SHTN1: variants seen among roughly 807,000 people sequenced by gnomAD.
SHTN1 encodes shootin 1, also known as shootin-1.
In SHTN1, 42 loss-of-function variants were observed where a neutral mutation model predicts 83.1. The ratio of observed to expected loss-of-function variants is 0.51; its 90% CI spans 0.39 to 0.65. The LOEUF is 0.65. Among genes scored for constraint, SHTN1 ranks in the 30% least tolerant of loss-of-function variants. SHTN1 has a pLI of 0.00. For missense variants in SHTN1, 622 were observed against 737.8 expected (o/e 0.84, Z 1.82); for synonymous variants, 224 against 247.7 (o/e 0.90, Z 0.90).
chr10:116,892,660 AAC>A (rs1459098663), intron 16 of SHTN1, among the ~76,000 whole-genome samples: 1 of 152,198 alleles, frequency 6.6e-6, no homozygotes, highest in Non-Finnish European at 1.5e-5. Context: ...GTATTTTTAA[AAC>A]TCTCTTTTAA....
At chr10:117,062,472 T>A (rs1337193592) in intron 1 of SHTN1, among the ~76,000 whole-genome samples, 1 of 152,148 alleles carries the variant, frequency 6.6e-6, no homozygotes, top group East Asian at 1.9e-4. Context: ...CCTAGAATTC[T>A]AGGCTAGATA....
chr10:117,102,323 G>C (rs911473370), intron 1 of SHTN1, among the ~76,000 whole-genome samples: 2 of 152,090 alleles, frequency 1.3e-5, no homozygotes, highest in East Asian at 3.9e-4. Context: ...CTAAGTCTCA[G>C]GCAGAGACCA....
intron 16 of SHTN1, among the ~76,000 whole-genome samples, chr10:116,898,443 A>T (rs983796189): frequency 2.0e-5 from 3 of 152,164 alleles, no homozygotes; most frequent in Non-Finnish European, 4.4e-5. Flanking sequence ...ATTTAATCTT[A>T]ATCAACAGAA....
At chr10:117,093,599 G>A (rs932076151) in intron 1 of SHTN1, among the ~76,000 whole-genome samples, 8 of 152,094 alleles carry the variant, frequency 5.3e-5, no homozygotes, top group African/African-American at 1.7e-4. Context: ...AGTAGCTGAG[G>A]CCAGATTCAA....
At chr10:116,946,178 T>C (rs1169651945) in intron 7 of SHTN1, among the ~76,000 whole-genome samples, 2 of 149,896 alleles carry the variant, frequency 1.3e-5, no homozygotes, top group Non-Finnish European at 3.0e-5. Flanking sequence ...ATTTCCTCTG[T>C]CTTCCATATA....
In SHTN1 at chr10:117,119,597, T is replaced by C. The variant is rs192285038; in HGVS notation, c.-189+6710A>G. ...AACCCTCATACACTGTTGGTGAGAA[T>C]GTAAATTAGTACAACCATTATGGAG... On this transcript the variant is annotated intron_variant, in intron 1 of 17. Transcript: ENST00000392901. 1.2e-4 allele frequency among the ~76,000 whole-genome samples: 18 copies of C among 152,288 alleles called. 1 individual carries two copies. The highest frequency in any genetic ancestry group is 3.4e-3 in the Middle Eastern group (1 of 294).
chr10:117,021,217 A>G (rs1852259411), intron 2 of SHTN1, among the ~76,000 whole-genome samples: 1 of 152,132 alleles, frequency 6.6e-6, no homozygotes. Flanking sequence ...TACTAAAAAT[A>G]CAAAAATTAG....
intron 6 of SHTN1, 94 bp downstream of exon 6, chr10:116,951,815 G>T (rs1333009091): frequency 1.1e-5 from 6 of 528,114 alleles, no homozygotes; most frequent in Non-Finnish European, 2.0e-5. Flanking sequence ...TCTCATGTTA[G>T]AAATTGGCTT....
chr10:116,895,636 T>C (rs1342074893), intron 16 of SHTN1, among the ~76,000 whole-genome samples: 1 of 152,192 alleles, frequency 6.6e-6, no homozygotes, highest in Non-Finnish European at 1.5e-5. Flanking sequence ...GCAACTTAAC[T>C]GCAGAATCAT....
chr10:116,932,312 T>C (rs911520221), intron 9 of SHTN1, among the ~76,000 whole-genome samples: 1 of 152,106 alleles, frequency 6.6e-6, no homozygotes, highest in Admixed American at 6.5e-5. Context: ...CCGCCTGAGC[T>C]CCACCTCGTC....
chr10:116,957,283 G>C (rs1850018790), intron 4 of SHTN1, among the ~76,000 whole-genome samples: 1 of 143,214 alleles, frequency 7.0e-6, no homozygotes, highest in Non-Finnish European at 1.5e-5. Context: ...TTGAGATGGA[G>C]TCTCTCTGTC....
In SHTN1 at chr10:117,065,848, G is replaced by C. The variant is rs1306426203; in HGVS notation, c.-188-17338C>G. Among the ~76,000 whole-genome samples, 108 of 72,448 alleles carry C rather than the reference G, an allele frequency of 1.5e-3. 2 individuals carry two copies. Among genetic ancestry groups the C allele is most frequent in the African/African-American group, 5.3e-3 (101 of 19,022 alleles). The allele number at this position is 72,448 out of a possible 152,430, so 47.5% of individuals were successfully genotyped here. A position where few individuals can be genotyped will look rare whatever the true frequency, so the allele number is the denominator to read the frequency against. On this transcript the variant is annotated intron_variant, in intron 1 of 17. Transcript: ENST00000392901. The stretch of plus-strand genomic sequence containing the variant: ...AGGAAGGAAGGAAGGAAGGAAGGAA[G>C]GAAGGAAAGGAGGGAGGGAGGGAGG...
At chr10:117,079,966 A>C (rs1853234584) in intron 1 of SHTN1, among the ~76,000 whole-genome samples, 1 of 93,754 alleles carries the variant, frequency 1.1e-5, no homozygotes, top group Non-Finnish European at 2.1e-5. Flanking sequence ...GGTTGTGAAA[A>C]TTTTCTCCCA....
intron 9 of SHTN1, 96 bp from the exon 10 acceptor site, chr10:116,930,098 T>C: frequency 1.4e-6 from 1 of 729,134 alleles, no homozygotes; most frequent in Non-Finnish European, 2.1e-6. Flanking sequence ...CCTTTGACTG[T>C]ACTTCATAGC....
chr10:117,017,802 G>C (rs114711046), intron 2 of SHTN1, among the ~76,000 whole-genome samples: 1 of 152,080 alleles, frequency 6.6e-6, no homozygotes, highest in Non-Finnish European at 1.5e-5. Context: ...GTTTAACTAA[G>C]TGATCAAGGT....
chr10:116,961,690 G>A (rs1022028263), intron 3 of SHTN1, among the ~76,000 whole-genome samples: 26 of 152,254 alleles, frequency 1.7e-4, no homozygotes, highest in Admixed American at 1.7e-3. Flanking sequence ...CACGTTAAGC[G>A]TAATTACTGG....
At chr10:117,125,169 C>T (rs1163974671) in intron 1 of SHTN1, among the ~76,000 whole-genome samples, 1 of 152,176 alleles carries the variant, frequency 6.6e-6, no homozygotes, top group Non-Finnish European at 1.5e-5. Context: ...ACGGAGGCCT[C>T]AGAATCCTCC....
intron 1 of SHTN1, among the ~76,000 whole-genome samples, chr10:116,988,332 A>C (rs1212875876): frequency 1.3e-5 from 2 of 151,708 alleles, no homozygotes; most frequent in Non-Finnish European, 1.5e-5. Context: ...ACACACAATC[A>C]ATCATACACA....
intron 4 of SHTN1, among the ~76,000 whole-genome samples, chr10:116,954,835 A>G (rs1849918201): frequency 6.6e-6 from 1 of 152,184 alleles, no homozygotes; most frequent in South Asian, 2.1e-4. Flanking sequence ...ATTCCACTAT[A>G]GGATCAAGGA....
Sources: gnomAD v4.1 joint callset for allele counts (sites outside exome capture counted in the v4.1 genomes callset) on GRCh38, gnomAD v4.1.1 for gene constraint, MANE v1.5 for transcripts, NCBI Gene and HGNC (gene_info 2026-07-23, HGNC 2026-07-21) for gene names.